GNA12: variants seen among roughly 807,000 people sequenced by gnomAD.
GNA12 encodes the protein G protein subunit alpha 12.
In GNA12, 9 loss-of-function variants were observed where a neutral mutation model predicts 26.0. The observed-to-expected ratio is 0.35, with a 90% CI of 0.21 to 0.60. GNA12 has a LOEUF of 0.60. Among genes scored for constraint, GNA12 ranks in the 20% least tolerant of loss-of-function variants. The pLI is 0.78. For missense variants in GNA12, 405 were observed against 525.8 expected (o/e 0.77, Z 2.25); for synonymous variants, 264 against 219.6 (o/e 1.20, Z -1.79).
Position 2,730,678 on chromosome 7 carries a change from G to T in GNA12, c.*503C>A, listed in dbSNP as rs896477429. The T allele has an allele frequency of 1.3e-5, 2 of 153,890 alleles. No individual in the cohort carries two copies. Among genetic ancestry groups the T allele is most frequent in the African/African-American group, 4.8e-5 (2 of 41,458 alleles). 9.5% of individuals were successfully genotyped at this position (153,890 alleles called of 1,614,324 possible). The stretch of plus-strand genomic sequence containing the variant: ...CTGCAGGGCCGGGCTCAGGCACTGA[G>T]TTTAGCAGCATCGGCGTGCACTGGA... On this transcript the variant is annotated 3_prime_UTR_variant, in exon 4 of 4. Transcript: ENST00000275364.
intron 2 of GNA12, among the ~76,000 whole-genome samples, chr7:2,775,867 T>G (rs1792063898): frequency 6.6e-6 from 1 of 152,100 alleles, no homozygotes; most frequent in African/African-American, 2.4e-5. Flanking sequence ...CCTGGACAGG[T>G]TACCCAGGGG....
intron 2 of GNA12, among the ~76,000 whole-genome samples, chr7:2,746,405 C>T (rs1365057772): frequency 6.6e-6 from 1 of 152,148 alleles, no homozygotes; most frequent in Non-Finnish European, 1.5e-5. Context: ...GAACAACCTG[C>T]TCCTAAATGA....
intron 1 of GNA12, among the ~76,000 whole-genome samples, chr7:2,824,301 CAG>C (rs1309693571): frequency 3.3e-5 from 5 of 152,200 alleles, no homozygotes; most frequent in Admixed American, 6.5e-5. Context: ...CCCTCACACA[CAG>C]AGTTAAGGCC....
chr7:2,735,561 T>C (rs1241177621), intron 2 of GNA12, among the ~76,000 whole-genome samples: 1 of 152,164 alleles, frequency 6.6e-6, no homozygotes, highest in African/African-American at 2.4e-5. Flanking sequence ...GACGTTTCCC[T>C]CGGTGTGAGT....
At chr7:2,783,285 C>T (rs372581786) in intron 2 of GNA12, among the ~76,000 whole-genome samples, 1 of 152,182 alleles carries the variant, frequency 6.6e-6, no homozygotes, top group African/African-American at 2.4e-5. Flanking sequence ...TTTGGTGTCA[C>T]TTTAAACTGG....
intron 1 of GNA12, among the ~76,000 whole-genome samples, chr7:2,802,372 G>A (rs1324342553): frequency 9.0e-6 from 1 of 111,220 alleles, no homozygotes; most frequent in African/African-American, 3.5e-5. Flanking sequence ...TTCCCTCTCT[G>A]CTGGGGATGT....
chr7:2,778,513 T>C (rs1368687548), intron 2 of GNA12, among the ~76,000 whole-genome samples: 2 of 152,338 alleles, frequency 1.3e-5, no homozygotes, highest in East Asian at 3.9e-4. Flanking sequence ...GGAGGCTAAA[T>C]TGTGATCATC....
chr7:2,809,378 T>C lies in GNA12; in HGVS notation c.310-14235A>G, dbSNP rs115794276. 4.9e-3 allele frequency among the ~76,000 whole-genome samples: 744 copies of C among 152,330 alleles called. 10 individuals carry two copies. The highest frequency in any genetic ancestry group is 0.017 in the African/African-American group (718 of 41,576). On this transcript the variant is annotated intron_variant, in intron 1 of 3. Coordinates refer to ENST00000275364, the MANE Select transcript of GNA12 (RefSeq NM_007353.3). Reference sequence around the variant, plus strand: ...TGTTTTATATTAGATAGTCATTAGATCTGTCTTGTACCAAAGTTGATAAAA... The same window carrying C: ...TGTTTTATATTAGATAGTCATTAGACCTGTCTTGTACCAAAGTTGATAAAA...
intron 2 of GNA12, among the ~76,000 whole-genome samples, chr7:2,743,669 G>C (rs1463771019): frequency 6.6e-6 from 1 of 152,162 alleles, no homozygotes; most frequent in Non-Finnish European, 1.5e-5. Context: ...CATCTCACTG[G>C]GGTGTGCCAG....
chr7:2,829,084 AAAAAG>A (rs1220765559), intron 1 of GNA12, among the ~76,000 whole-genome samples: 8 of 151,950 alleles, frequency 5.3e-5, no homozygotes, highest in East Asian at 1.9e-4. Context: ...GGAAAAAAAA[AAAAAG>A]AAAAGAAAAA....
rs768426522 is a variant in GNA12, at chr7:2,731,357, G to C, written c.970C>G (p.Leu324Val). Reference protein sequence around the residue: ...FPDFRGDPHRLEDVQRYLVQC... With the variant: ...FPDFRGDPHRVEDVQRYLVQC... Reference sequence around the variant, plus strand: ...ACCAGGTAGCGCTGGACGTCCTCCAGCCTGTGCGGGTCGCCCCTGAAGTCC... The same window carrying C: ...ACCAGGTAGCGCTGGACGTCCTCCACCCTGTGCGGGTCGCCCCTGAAGTCC... The change falls in exon 4 of 4, where the codon CTG (leucine) becomes GTG (valine). Residue 324 changes from leucine (L) to valine (V), a missense_variant. Transcript: ENST00000275364. This position sits in a 1 kb window ranked among gnomAD's most constrained non-coding sequence, Gnocchi z 6.0. The C allele has an allele frequency of 1.9e-6, 3 of 1,613,730 alleles. No homozygotes were observed. The highest frequency in any genetic ancestry group is 2.5e-6 in the Non-Finnish European group (3 of 1,179,908).
At chr7:2,752,464 G>A (rs549375358) in intron 2 of GNA12, among the ~76,000 whole-genome samples, 13 of 152,216 alleles carry the variant, frequency 8.5e-5, no homozygotes, top group Admixed American at 3.3e-4. Context: ...GCAAGCAAGC[G>A]AACAAATGAA....
At chr7:2,745,342 A>AG (rs1239907094) in intron 2 of GNA12, among the ~76,000 whole-genome samples, 7 of 152,398 alleles carry the variant, frequency 4.6e-5, no homozygotes, top group African/African-American at 1.7e-4. Flanking sequence ...TCTGCAAGCC[A>AG]GAAGAGAGTG....
chr7:2,777,881 C>T (rs972076487), intron 2 of GNA12, among the ~76,000 whole-genome samples: 10 of 152,198 alleles, frequency 6.6e-5, no homozygotes, highest in Admixed American at 6.5e-4. Context: ...GTTTCTAAAC[C>T]TTGAACTCAT....
chr7:2,735,312 G>A (rs570652065), intron 2 of GNA12, among the ~76,000 whole-genome samples: 2 of 152,194 alleles, frequency 1.3e-5, no homozygotes, highest in Non-Finnish European at 2.9e-5. Flanking sequence ...ACCCTTGCCC[G>A]TTTCTAGGCA....
At position 2,836,455 on chromosome 7, in the gene GNA12, G is replaced by T. The variant is rs1778841148; in HGVS notation, c.309+7398C>A. ...GATGACAAGGCAGTGAGTTCTCTGGGTGTCCTTACTGCCTCCTACTTACCC... is the reference window on the plus strand; with the variant it reads ...GATGACAAGGCAGTGAGTTCTCTGGTTGTCCTTACTGCCTCCTACTTACCC... On this transcript the variant is annotated intron_variant, in intron 1 of 3. Transcript: ENST00000275364. Among the ~76,000 whole-genome samples the T allele has an allele frequency of 2.0e-5, 3 of 152,192 alleles. No individual in the cohort carries two copies. In the South Asian group the frequency reaches 6.2e-4, roughly 31 times the overall value.
chr7:2,796,077 C>G (rs977577209), intron 1 of GNA12, among the ~76,000 whole-genome samples: 8 of 151,860 alleles, frequency 5.3e-5, no homozygotes, highest in African/African-American at 1.9e-4. Context: ...TGTTGTCCAG[C>G]CTGGTCTCGA....
intron 2 of GNA12, among the ~76,000 whole-genome samples, chr7:2,793,868 C>T (rs1296914313): frequency 1.4e-4 from 18 of 127,756 alleles, no homozygotes; most frequent in Admixed American, 5.5e-4. Context: ...GGCAACAGCG[C>T]GAGACTCCAT....
At chr7:2,735,653 T>C (rs1171025271) in intron 2 of GNA12, among the ~76,000 whole-genome samples, 2 of 152,228 alleles carry the variant, frequency 1.3e-5, no homozygotes. Flanking sequence ...TTCTCCACGA[T>C]GACTGAATGA....
Sources: gnomAD v4.1 joint callset for allele counts (sites outside exome capture counted in the v4.1 genomes callset) on GRCh38, gnomAD v4.1.1 for gene constraint, Gnocchi (gnomAD v3.1) non-coding constraint, MANE v1.5 for transcripts, NCBI Gene and HGNC (gene_info 2026-07-23, HGNC 2026-07-21) for gene names.